Variants in HAAO observed in about 807,000 individuals in gnomAD.
HAAO encodes 3-hydroxyanthranilate oxygenase.
A neutral mutation model predicts 46.2 loss-of-function variants in HAAO; 49 were observed. The observed-to-expected ratio is 1.06, with a 90% CI of 0.84 to 1.34. HAAO has a LOEUF of 1.34. Ranked by LOEUF, HAAO falls within the 40% of genes most tolerant of loss-of-function variation. The probability of loss-of-function intolerance (pLI) is 0.00; values close to 1 mark genes in which losing one functional copy is unlikely to be tolerated. For missense variants in HAAO, 408 were observed against 364.5 expected (o/e 1.12, Z -0.97); for synonymous variants, 157 against 145.2 (o/e 1.08, Z -0.58).
chr2:42,771,584 T>G (rs926799997), intron 4 of HAAO, among the ~76,000 whole-genome samples: 2 of 152,196 alleles, frequency 1.3e-5, no homozygotes, highest in Non-Finnish European at 2.9e-5. Flanking sequence ...CATGTACATG[T>G]ACATATAGCC....
Position 42,770,552 on chromosome 2 carries a change from C to T in HAAO, c.381G>A (p.Leu127=). The T allele has an allele frequency of 1.3e-6, 2 of 1,553,054 alleles. No individual in the cohort carries two copies. Among genetic ancestry groups the T allele is most frequent in the Non-Finnish European group, 1.7e-6 (2 of 1,147,668 alleles). ...CCTTGCAGTAGAACCACTTCTCAAA[C>T]AGAACGTCCATGGTGTCGCCCACAT... ...RYYVGDTMDV[L]FEKWFYCKDL... Residue 127 remains leucine (L), a synonymous_variant, in exon 5 of 10, where the codon CTG becomes CTA. Coordinates refer to ENST00000294973, the MANE Select transcript of HAAO (RefSeq NM_012205.3).
chr2:42,787,094 C>G (rs1488425221), intron 2 of HAAO, among the ~76,000 whole-genome samples: 1 of 152,182 alleles, frequency 6.6e-6, no homozygotes, highest in Non-Finnish European at 1.5e-5. Flanking sequence ...AGCCAGATTC[C>G]TCCCAGACAC....
chr2:42,767,812 T>C (rs532065423), intron 8 of HAAO, 48 bp downstream of exon 8: 1 of 1,589,604 alleles, frequency 6.3e-7, no homozygotes, highest in East Asian at 2.2e-5. Context: ...AGCGGGCTGA[T>C]GCCCTCTGGC....
chr2:42,780,495 C>T (rs757993549), intron 4 of HAAO, among the ~76,000 whole-genome samples: 101 of 151,524 alleles, frequency 6.7e-4, no homozygotes, highest in Non-Finnish European at 1.1e-3. Context: ...CGTGAGCCAC[C>T]GCGCCCGGCG....
At chr2:42,777,293 A>G (rs1433145969) in intron 4 of HAAO, among the ~76,000 whole-genome samples, 1 of 133,840 alleles carries the variant, frequency 7.5e-6, no homozygotes, top group Non-Finnish European at 1.5e-5. Context: ...ACAGAGCAAG[A>G]CTCTTATCGC....
chr2:42,777,927 A>G (rs962823523), intron 4 of HAAO, among the ~76,000 whole-genome samples: 2 of 152,206 alleles, frequency 1.3e-5, no homozygotes, highest in South Asian at 2.1e-4. Context: ...ACATGTAAAG[A>G]AAGTCATAAA....
chr2:42,784,302 A>C (rs6737859), intron 2 of HAAO, among the ~76,000 whole-genome samples: 120,436 of 151,980 alleles, frequency 0.79, 48,018 homozygotes, highest in Middle Eastern at 0.92. Context: ...AGAAAGAAAA[A>C]CAAGGCTCAG....
At position 42,792,557 on chromosome 2, in the gene HAAO, C is replaced by A; in HGVS notation, c.-21G>T. The A allele has an allele frequency of 6.5e-7, 1 of 1,527,596 alleles. No homozygotes were observed. 94.6% of individuals were successfully genotyped at this position (1,527,596 alleles called of 1,614,324 possible). A position where few individuals can be genotyped will look rare whatever the true frequency, so the allele number is the denominator to read the frequency against. On this transcript the variant is annotated 5_prime_UTR_variant, in exon 1 of 10. Transcript: ENST00000294973. ...TCCATGACTGTCCCGGGCGCCTCCTCGCAGCGCTGTCCTCCCGCCGTCGGA... is the reference window on the plus strand; with the variant it reads ...TCCATGACTGTCCCGGGCGCCTCCTAGCAGCGCTGTCCTCCCGCCGTCGGA...
At chr2:42,782,874 C>G (rs1047871965) in intron 4 of HAAO, 5 of 461,508 alleles carry the variant, frequency 1.1e-5, no homozygotes, top group South Asian at 4.7e-5. Context: ...TGATCGGTGT[C>G]TCATGTCTCC....
At chr2:42,776,752 C>G (rs1461615833) in intron 4 of HAAO, among the ~76,000 whole-genome samples, 1 of 151,532 alleles carries the variant, frequency 6.6e-6, no homozygotes, top group African/African-American at 2.4e-5. Flanking sequence ...CTGCCTCAGC[C>G]TCCTGAATAG....
Position 42,767,535 on chromosome 2 carries a change from C to G in HAAO, c.783-20G>C. 2 of 1,605,520 alleles carry G rather than the reference C, an allele frequency of 1.2e-6. No homozygotes were observed. Among genetic ancestry groups the G allele is most frequent in the Non-Finnish European group, 1.7e-6 (2 of 1,175,244 alleles). Reference sequence around the variant, plus strand: ...GCATACCTGTGGACACACAGATGAGCAGGGATCACACAGAGTTGGACCCTG... The same window carrying G: ...GCATACCTGTGGACACACAGATGAGGAGGGATCACACAGAGTTGGACCCTG... On this transcript the variant is annotated intron_variant, in intron 9 of 9. Transcript: ENST00000294973.
intron 2 of HAAO, among the ~76,000 whole-genome samples, chr2:42,784,536 G>GT (rs1672251503): frequency 2.8e-5 from 2 of 70,938 alleles, no homozygotes; most frequent in East Asian, 5.3e-4. Context: ...GGTGGGGGGG[G>GT]CGGGGGGGGG....
chr2:42,769,938 C>T, intron 6 of HAAO, 80 bp from the exon 7 acceptor site: 1 of 1,470,368 alleles, frequency 6.8e-7, no homozygotes, highest in Non-Finnish European at 9.2e-7. Context: ...CCCAGGGGCC[C>T]CAGGTCTCAA....
chr2:42,778,273 C>A (rs1345271861), intron 4 of HAAO, among the ~76,000 whole-genome samples: 1 of 152,054 alleles, frequency 6.6e-6, no homozygotes, highest in Non-Finnish European at 1.5e-5. Context: ...TTTTAATGTC[C>A]TTGTGACATT....
At chr2:42,771,146 A>G (rs1417190029) in intron 4 of HAAO, among the ~76,000 whole-genome samples, 1 of 151,994 alleles carries the variant, frequency 6.6e-6, no homozygotes, top group Non-Finnish European at 1.5e-5. Context: ...GGAGGCTGAG[A>G]CGGGTAGATT....
At chr2:42,770,213 G>A (rs192695179) in intron 5 of HAAO, 27 bp from the exon 6 acceptor site, 7 of 1,583,844 alleles carry the variant, frequency 4.4e-6, no homozygotes, top group Middle Eastern at 1.7e-4. Flanking sequence ...GGAGGAGCAG[G>A]AGTGGCGAGC....
At chr2:42,792,060 A>G (rs2104675848) in intron 1 of HAAO, among the ~76,000 whole-genome samples, 1 of 152,180 alleles carries the variant, frequency 6.6e-6, no homozygotes, top group East Asian at 1.9e-4. Context: ...GGGGTGTATG[A>G]TTTGGCTGCC....
chr2:42,782,934 A>T, intron 4 of HAAO: 1 of 459,142 alleles, frequency 2.2e-6, no homozygotes, highest in Non-Finnish European at 4.3e-6. Context: ...GGCACATGTC[A>T]TCAGGACCTC....
intron 2 of HAAO, among the ~76,000 whole-genome samples, chr2:42,786,021 G>C (rs1433729266): frequency 1.2e-5 from 1 of 84,352 alleles, no homozygotes; most frequent in Non-Finnish European, 3.1e-5. Flanking sequence ...GTGTGTGTGT[G>C]TGTGTGTGTG....
Sources: gnomAD v4.1 joint callset for allele counts (sites outside exome capture counted in the v4.1 genomes callset) on GRCh38, gnomAD v4.1.1 for gene constraint, MANE v1.5 for transcripts, NCBI Gene and HGNC (gene_info 2026-07-23, HGNC 2026-07-21) for gene names.